Variants in CSMD1 observed in about 807,000 individuals in gnomAD.
The protein encoded by CSMD1 is CUB and sushi domain-containing protein 1.
In CSMD1, 213 loss-of-function variants were observed where a neutral mutation model predicts 417.5. That is an observed-to-expected ratio of 0.51 (90% CI 0.46 to 0.57). CSMD1 has a LOEUF of 0.57. Ranked by LOEUF, CSMD1 falls within the 20% of genes least tolerant of loss-of-function variation. The pLI, the probability that CSMD1 is intolerant of heterozygous loss-of-function variation, is 0.00. For missense variants in CSMD1, 6,923 were observed against 4,529.7 expected (o/e 1.53, Z -15.17); for synonymous variants, 2,862 against 1,736.8 (o/e 1.65, Z -16.11).
At chr8:3,049,409 A>T (rs1811665913) in intron 50 of CSMD1, among the ~76,000 whole-genome samples, 1 of 152,164 alleles carries the variant, frequency 6.6e-6, no homozygotes. Context: ...ACTAAAAAGA[A>T]ATGAGAGCTA....
At chr8:3,561,610 G>C (rs965883904) in intron 10 of CSMD1, among the ~76,000 whole-genome samples, 1 of 152,080 alleles carries the variant, frequency 6.6e-6, no homozygotes, top group African/African-American at 2.4e-5. Context: ...AACAGACACT[G>C]GTCACTCCGA....
intron 3 of CSMD1, among the ~76,000 whole-genome samples, chr8:4,093,104 CCCTT>C (rs1253574627): frequency 1.3e-5 from 2 of 152,200 alleles, no homozygotes; most frequent in African/African-American, 4.8e-5. Context: ...AACTCAAAGG[CCCTT>C]GTGCCTAAAA....
At chr8:4,104,853 G>T (rs184071697) in intron 3 of CSMD1, among the ~76,000 whole-genome samples, 2 of 152,262 alleles carry the variant, frequency 1.3e-5, no homozygotes, top group African/African-American at 4.8e-5. Flanking sequence ...TGAGTGCTTA[G>T]CCTTACATTT....
chr8:3,947,093 A>G (rs1811279885), intron 5 of CSMD1, among the ~76,000 whole-genome samples: 1 of 152,098 alleles, frequency 6.6e-6, no homozygotes, highest in Non-Finnish European at 1.5e-5. Flanking sequence ...AGTGGATATT[A>G]TTTTTGTTTC....
intron 10 of CSMD1, among the ~76,000 whole-genome samples, chr8:3,496,587 G>T (rs942673863): frequency 6.6e-6 from 1 of 152,098 alleles, no homozygotes; most frequent in Non-Finnish European, 1.5e-5. Context: ...CAGCACTTTG[G>T]GAGGCCGAGG....
chr8:4,733,511 A>G (rs139064669), intron 1 of CSMD1, among the ~76,000 whole-genome samples: 2,644 of 152,340 alleles, frequency 0.017, 32 homozygotes, highest in Middle Eastern at 0.031. Context: ...AATCCTCTCA[A>G]TGGTGCAACA....
chr8:4,949,225 T>C (rs1808572051), intron 1 of CSMD1, among the ~76,000 whole-genome samples: 1 of 152,180 alleles, frequency 6.6e-6, no homozygotes, highest in African/African-American at 2.4e-5. Context: ...TCTATAATTT[T>C]TTTAGAATTT....
intron 3 of CSMD1, among the ~76,000 whole-genome samples, chr8:4,245,781 C>G (rs1585089447): frequency 6.6e-6 from 1 of 152,104 alleles, no homozygotes; most frequent in Admixed American, 6.5e-5. Context: ...TTCATATTTC[C>G]TATTTTCTTA....
chr8:4,165,248 G>A (rs1023677037), intron 3 of CSMD1, among the ~76,000 whole-genome samples: 4 of 152,212 alleles, frequency 2.6e-5, no homozygotes, highest in African/African-American at 7.2e-5. Context: ...AAAAGGACAT[G>A]GAGGTCTGTT....
intron 1 of CSMD1, among the ~76,000 whole-genome samples, chr8:4,803,226 T>C (rs552165722): frequency 1.3e-5 from 2 of 152,212 alleles, no homozygotes; most frequent in Non-Finnish European, 2.9e-5. Flanking sequence ...ATTCCAAACT[T>C]TTGAATATAA....
At chr8:3,578,784 T>G (rs1012953644) in intron 9 of CSMD1, among the ~76,000 whole-genome samples, 1 of 152,178 alleles carries the variant, frequency 6.6e-6, no homozygotes, top group African/African-American at 2.4e-5. Flanking sequence ...GGAAACTTCT[T>G]TCCTTCCCTT....
At chr8:3,445,319 T>G (rs182891828) in intron 12 of CSMD1, among the ~76,000 whole-genome samples, 1 of 152,326 alleles carries the variant, frequency 6.6e-6, no homozygotes, top group Admixed American at 6.5e-5. Flanking sequence ...TAATATATCC[T>G]GGGTACCTAT....
chr8:4,132,946 A>G (rs1803199182), intron 3 of CSMD1, among the ~76,000 whole-genome samples: 1 of 152,014 alleles, frequency 6.6e-6, no homozygotes, highest in South Asian at 2.1e-4. Context: ...TTATTTATTT[A>G]TTTTTGAGAT....
At chr8:3,387,781 T>C (rs1183133926) in intron 17 of CSMD1, 99 bp from the exon 18 acceptor site, 2 of 977,540 alleles carry the variant, frequency 2.0e-6, no homozygotes, top group Non-Finnish European at 1.5e-6. Flanking sequence ...TCAGAAATAA[T>C]AAGACCTGAA....
chr8:3,324,882 G>A (rs899004581), intron 23 of CSMD1, among the ~76,000 whole-genome samples: 4 of 151,874 alleles, frequency 2.6e-5, no homozygotes, highest in African/African-American at 7.3e-5. Flanking sequence ...GCCTTGGTAT[G>A]TTTTCATGTT....
At chr8:3,661,371 T>C (rs944625252) in intron 7 of CSMD1, among the ~76,000 whole-genome samples, 4 of 151,840 alleles carry the variant, frequency 2.6e-5, no homozygotes, top group African/African-American at 9.7e-5. Context: ...TGCAGATTTC[T>C]GTATGTTACT....
At chr8:3,155,359 A>ATTTTTTTTGTTTTTTT (rs1819454230) in intron 39 of CSMD1, among the ~76,000 whole-genome samples, 1 of 43,316 alleles carries the variant, frequency 2.3e-5, no homozygotes, top group African/African-American at 7.0e-5. Flanking sequence ...CAAGGCTGGG[A>ATTTTTTTTGTTTTTTT]TTTTTTTTTT....
intron 9 of CSMD1, among the ~76,000 whole-genome samples, chr8:3,581,632 T>A (rs1800387247): frequency 6.6e-6 from 1 of 152,176 alleles, no homozygotes; most frequent in African/African-American, 2.4e-5. Flanking sequence ...TGGATGCACC[T>A]CGCTGGAATA....
At chr8:3,188,304 CTT>C (rs33913660) in intron 35 of CSMD1, among the ~76,000 whole-genome samples, 3 of 87,624 alleles carry the variant, frequency 3.4e-5, no homozygotes, top group African/African-American at 1.4e-4. Context: ...CTTTTCCTTT[CTT>C]TTTTTTTTTT....
Sources: gnomAD v4.1 joint callset for allele counts (sites outside exome capture counted in the v4.1 genomes callset) on GRCh38, gnomAD v4.1.1 for gene constraint, MANE v1.5 for transcripts, NCBI Gene and HGNC (gene_info 2026-07-23, HGNC 2026-07-21) for gene names.